Variants in BAHCC1 observed in about 807,000 individuals in gnomAD.
BAHCC1 encodes the protein BAH and coiled-coil domain-containing protein 1.
BAHCC1 carries 43 observed loss-of-function variants against 88.2 expected under a neutral mutation model. The ratio of observed to expected loss-of-function variants is 0.49; its 90% CI spans 0.38 to 0.63. BAHCC1 has a LOEUF of 0.63. Among genes scored for constraint, BAHCC1 ranks in the 20% least tolerant of loss-of-function variants. The pLI is 0.00. For synonymous variants in BAHCC1, 1,510 were observed against 745.5 expected, an observed-to-expected ratio of 2.03 and a Z score of -16.71; for missense variants, 3,023 against 1,654.8, an observed-to-expected ratio of 1.83 and a Z score of -14.34.
intron 11 of BAHCC1, among the ~76,000 whole-genome samples, chr17:81,449,249 C>T (rs1180664975): frequency 6.6e-6 from 1 of 152,182 alleles, no homozygotes; most frequent in Non-Finnish European, 1.5e-5. Flanking sequence ...CAGCTCTGCC[C>T]TCCGGGTCTC....
Position 81,458,917 on chromosome 17 carries a change from G to A in BAHCC1, c.5553G>A (p.Glu1851=). 1.3e-6 allele frequency: 1 copy of A among 770,324 alleles called. No homozygotes were observed. The highest frequency in any genetic ancestry group is 1.4e-5 in the South Asian group (1 of 73,844). The allele number at this position is 770,324 out of a possible 1,614,324, so 47.7% of individuals were successfully genotyped here. A position where few individuals can be genotyped will look rare whatever the true frequency, so the allele number is the denominator to read the frequency against. The stretch of plus-strand genomic sequence containing the variant: ...TCTCGGAAGAGGAGGAGGACGAGGA[G>A]GAAGAGGAGGAGGACAGCGGCCCTC... ...SSFSEEEEDE[E]EEEEDSGPLS... is the part of the protein sequence containing the mutation. The change falls in exon 20 of 28, where the codon GAG becomes GAA. Residue 1851 remains glutamate, a synonymous_variant. Transcript: ENST00000675386.
In BAHCC1 at chr17:81,445,456, G is replaced by A. The variant is rs782637162; in HGVS notation, c.2938G>A (p.Ala980Thr). 2.9e-5 allele frequency: 22 copies of A among 762,114 alleles called. No individual in the cohort carries two copies. Among genetic ancestry groups the A allele is most frequent in the African/African-American group, 5.1e-5 (3 of 58,416 alleles). 47.2% of individuals were successfully genotyped at this position (762,114 alleles called of 1,614,324 possible). Residue 980 changes from alanine (A) to threonine (T), a missense_variant, in exon 10 of 28, where the codon GCC becomes ACC. Transcript: ENST00000675386. ...PVALTPTAPG[A>T]PSPAAGPTKL... ...TGCCTTAACCCCCACGGCCCCGGGC[G>A]CCCCCTCACCCGCTGCAGGCCCCAC...
chr17:81,456,963 G>A (rs1036349715), intron 16 of BAHCC1, among the ~76,000 whole-genome samples: 7 of 152,004 alleles, frequency 4.6e-5, no homozygotes, highest in Admixed American at 6.5e-5. Context: ...CAGCAAACAC[G>A]TGTGTCCAGA....
Position 81,443,229 on chromosome 17 carries a change from C to T in BAHCC1, c.1880C>T (p.Pro627Leu), listed in dbSNP as rs782294366. Reference protein sequence around the residue: ...ALLPQELPAPPDEVSAMKNLL... With the variant: ...ALLPQELPAPLDEVSAMKNLL... Reference sequence around the variant, plus strand: ...CTGCCCCAGGAACTGCCTGCGCCGCCGGACGAGGTCTCAGCCATGAAGAAC... The same window carrying T: ...CTGCCCCAGGAACTGCCTGCGCCGCTGGACGAGGTCTCAGCCATGAAGAAC... Residue 627 changes from proline (P) to leucine (L), a missense_variant, in exon 5 of 28, where the codon CCG becomes CTG. Physicochemically the swap from Pro to Leu is moderately conservative, Grantham distance 98 (BLOSUM62 -3). Coordinates refer to ENST00000675386, the MANE Select transcript of BAHCC1 (RefSeq NM_001377448.1). 9 of 779,340 alleles carry T rather than the reference C, an allele frequency of 1.2e-5. No individual in the cohort carries two copies. Among genetic ancestry groups the T allele is most frequent in the African/African-American group, 3.4e-5 (2 of 59,158 alleles). 48.3% of individuals were successfully genotyped at this position (779,340 alleles called of 1,614,324 possible).
At position 81,461,448 on chromosome 17, in the gene BAHCC1, TC is replaced by T. The variant is rs1555659328; in HGVS notation, c.6791del (p.Pro2264ArgfsTer157). On this transcript the variant is annotated frameshift_variant, in exon 26 of 28. Transcript: ENST00000675386. ...VGKDKKGRAP[I>X]PPLPMGLALR... The stretch of plus-strand genomic sequence containing the variant: ...AAGGACAAGAAGGGGCGGGCACCCA[TC>T]CCCCCGCTGCCCATGGGGCTGGCGC... 5 of 738,686 alleles carry T rather than the reference TC, an allele frequency of 6.8e-6. No individual in the cohort carries two copies. The highest frequency in any genetic ancestry group is 1.4e-5 in the South Asian group (1 of 69,948). The allele number at this position is 738,686 out of a possible 1,614,324, so 45.8% of individuals were successfully genotyped here. A position where few individuals can be genotyped will look rare whatever the true frequency, so the allele number is the denominator to read the frequency against.
At chr17:81,463,572 C>A (rs542429682) in intron 27 of BAHCC1, 39 bp from the exon 28 acceptor site, 17 of 776,920 alleles carry the variant, frequency 2.2e-5, no homozygotes, top group Admixed American at 1.0e-4. Flanking sequence ...GCGCACTGGC[C>A]AAGGCCGGCC....
In BAHCC1 at chr17:81,451,965, C is replaced by A. The variant is rs1209058398; in HGVS notation, c.4180-6C>A. The A allele has an allele frequency of 1.6e-6, 1 of 623,642 alleles. No homozygotes were observed. The highest frequency in any genetic ancestry group is 2.7e-5 in the Admixed American group (1 of 37,156). The allele number at this position is 623,642 out of a possible 1,614,324, so 38.6% of individuals were successfully genotyped here. On this transcript the variant is annotated splice_region_variant and splice_polypyrimidine_tract_variant and intron_variant, in intron 12 of 27. Transcript: ENST00000675386. ...GGCTCACAGGCCCCTGTGCCCCCCC[C>A]ACCAGGTGTGCCCCCTGAAGGCCGC...
rs375516817 is a variant in BAHCC1 at position 81,407,276 on chromosome 17, T to C, written c.178+7359T>C. On this transcript the variant is annotated intron_variant, in intron 2 of 27. Coordinates refer to ENST00000675386, the MANE Select transcript of BAHCC1 (RefSeq NM_001377448.1). ...GGGCTCCCTGAAGCGGAGGGTGACA[T>C]TGGGGGGCAGTGCCTTCTTGGGGTA... is the stretch of plus-strand genomic sequence containing the variant. 9.4e-5 allele frequency: 48 copies of C among 511,612 alleles called. No homozygotes were observed. The East Asian group carries it at 1.4e-3, about 15-fold the overall frequency. The allele number at this position is 511,612 out of a possible 1,614,324, so 31.7% of individuals were successfully genotyped here. A position where few individuals can be genotyped will look rare whatever the true frequency, so the allele number is the denominator to read the frequency against.
Position 81,456,523 on chromosome 17 carries a change from A to C in BAHCC1, c.4796A>C (p.His1599Pro), listed in dbSNP as rs782305258. 1.4e-6 allele frequency: 1 copy of C among 716,028 alleles called. No individual in the cohort carries two copies. The highest frequency in any genetic ancestry group is 1.7e-5 in the African/African-American group (1 of 57,150). The allele number at this position is 716,028 out of a possible 1,614,324, so 44.4% of individuals were successfully genotyped here. Residue 1599 changes from histidine to proline, a missense_variant, in exon 16 of 28, where the codon CAC (histidine) becomes CCC (proline). By Grantham distance (77) the His-to-Pro change is moderately conservative (BLOSUM62 -2). Transcript: ENST00000675386. The stretch of plus-strand genomic sequence containing the variant: ...ACACGGCACCCACAGCCCAAGGGCC[A>C]CGGCAGCCGGGAGACACCCAGGTGC... ...GATRHPQPKG[H>P]GSRETPRCPA...
chr17:81,415,624 G>C lies in BAHCC1; in HGVS notation c.179-11176G>C, dbSNP rs782709955. The C allele has an allele frequency of 2.0e-5, 10 of 495,640 alleles. No homozygotes were observed. In the Admixed American group the frequency reaches 2.1e-4, roughly 10 times the overall value. The allele number at this position is 495,640 out of a possible 1,614,324, so 30.7% of individuals were successfully genotyped here. A position where few individuals can be genotyped will look rare whatever the true frequency, so the allele number is the denominator to read the frequency against. Reference sequence around the variant, plus strand: ...CTGAGCCAACCTCGTTTTGGGAGTCGGGCTCTTGGCACCTGGTCCTTCTTA... The same window carrying C: ...CTGAGCCAACCTCGTTTTGGGAGTCCGGCTCTTGGCACCTGGTCCTTCTTA... On this transcript the variant is annotated intron_variant, in intron 2 of 27. Transcript: ENST00000675386.
intron 2 of BAHCC1, among the ~76,000 whole-genome samples, chr17:81,426,089 G>T (rs2064192839): frequency 7.0e-6 from 1 of 143,746 alleles, no homozygotes; most frequent in Non-Finnish European, 1.5e-5. Context: ...TGATGTGGTT[G>T]GTGGTGATAG....
intron 2 of BAHCC1, among the ~76,000 whole-genome samples, chr17:81,422,343 G>A (rs2064125943): frequency 6.6e-6 from 1 of 152,202 alleles, no homozygotes; most frequent in Non-Finnish European, 1.5e-5. Context: ...GCTTATTATG[G>A]TGAAAATACA....
intron 2 of BAHCC1, among the ~76,000 whole-genome samples, chr17:81,403,601 C>T (rs1281600886): frequency 6.6e-6 from 1 of 152,108 alleles, no homozygotes; most frequent in Non-Finnish European, 1.5e-5. Context: ...GGCTCCTCTC[C>T]CTCATCATGT....
chr17:81,447,493 A>G lies in BAHCC1; in HGVS notation c.3621A>G (p.Ala1207=). Residue 1207 remains alanine, a synonymous_variant, in exon 11 of 28, where the codon GCA becomes GCG. Transcript: ENST00000675386. ...GASSQVLEQR[A]GSPGALEDEG... is the part of the protein sequence containing the mutation. ...CCTCCCAAGTCCTGGAGCAGCGAGCAGGGAGTCCGGGTGCCCTTGAGGACG... is the reference window on the plus strand; with the variant it reads ...CCTCCCAAGTCCTGGAGCAGCGAGCGGGGAGTCCGGGTGCCCTTGAGGACG... 1.3e-6 allele frequency: 1 copy of G among 745,776 alleles called. No individual in the cohort carries two copies. The allele number at this position is 745,776 out of a possible 1,614,324, so 46.2% of individuals were successfully genotyped here.
intron 2 of BAHCC1, chr17:81,421,982 C>T (rs568198336): frequency 6.9e-5 from 27 of 389,498 alleles, no homozygotes; most frequent in South Asian, 4.2e-4. Context: ...GCCTCAGGGC[C>T]GGGGTCTCGG....
rs911065089 is a variant in BAHCC1, at chr17:81,460,573, G to A, written c.6069G>A (p.Arg2023=). The change falls in exon 25 of 28, where the codon CGG becomes CGA. Residue 2023 remains arginine, a synonymous_variant. Transcript: ENST00000675386. Reference sequence around the variant, plus strand: ...CCCTGCTAGTGTCTAGCAGCTGCCGGAGGACCAAGAAGGTATCCAGTGAGG... The same window carrying A: ...CCCTGCTAGTGTCTAGCAGCTGCCGAAGGACCAAGAAGGTATCCAGTGAGG... The part of the protein sequence containing the change: ...SPALLVSSSC[R]RTKKVSSEAP... The A allele has an allele frequency of 2.0e-5, 15 of 768,408 alleles. No individual in the cohort carries two copies. The highest frequency in any genetic ancestry group is 3.4e-5 in the African/African-American group (2 of 58,816). 47.6% of individuals were successfully genotyped at this position (768,408 alleles called of 1,614,324 possible).
rs138597279 is a variant in BAHCC1, at chr17:81,412,962, C to T, written c.178+13045C>T. The T allele has an allele frequency of 2.5e-3, 697 of 277,280 alleles. 9 individuals are homozygous for T. Among genetic ancestry groups the T allele is most frequent in the African/African-American group, 0.015 (645 of 43,116 alleles). The allele number at this position is 277,280 out of a possible 1,614,324, so 17.2% of individuals were successfully genotyped here. On this transcript the variant is annotated intron_variant, in intron 2 of 27. Transcript: ENST00000675386. ...AAGGAGAGAGTGAGAGAGCGCAGGA[C>T]GGAAGCTCGGTGCGGGTGCGGCCTC...
chr17:81,463,012 C>T (rs782620211), intron 27 of BAHCC1, 36 bp downstream of exon 27: 30 of 766,000 alleles, frequency 3.9e-5, no homozygotes, highest in Middle Eastern at 2.6e-4. Flanking sequence ...CAGCCCCCCT[C>T]GGGGCCCCAG....
At position 81,444,530 on chromosome 17, in the gene BAHCC1, CCCGCAG is replaced by C. The variant is rs1555653748; in HGVS notation, c.2477_2482del (p.Arg826_Ser827del). The C allele has an allele frequency of 1.4e-6, 1 of 700,936 alleles. No individual in the cohort carries two copies. Among genetic ancestry groups the C allele is most frequent in the East Asian group, 2.6e-5 (1 of 38,566 alleles). The allele number at this position is 700,936 out of a possible 1,614,324, so 43.4% of individuals were successfully genotyped here. On this transcript the variant is annotated inframe_deletion, in exon 7 of 28. Transcript: ENST00000675386. ...CCCCATCCCCCCTGGCTGCCCCGCACCCGCAGCCCCTCCCTGTGGATGGGGGGGCAC... is the reference window on the plus strand; with the variant it reads ...CCCCATCCCCCCTGGCTGCCCCGCACCCCCTCCCTGTGGATGGGGGGGCAC...
Sources: gnomAD v4.1 joint callset for allele counts (sites outside exome capture counted in the v4.1 genomes callset) on GRCh38, gnomAD v4.1.1 for gene constraint, MANE v1.5 for transcripts, NCBI Gene and HGNC (gene_info 2026-07-23, HGNC 2026-07-21) for gene names.